CEP63: variants seen among roughly 807,000 people sequenced by gnomAD.
CEP63 encodes centrosomal protein 63.
CEP63 carries 84 observed loss-of-function variants against 89.1 expected under a neutral mutation model. The ratio of observed to expected loss-of-function variants is 0.94; its 90% CI spans 0.79 to 1.13. The LOEUF is 1.13. Ranked by LOEUF, CEP63 falls within the 50% of genes most tolerant of loss-of-function variation. The pLI is 0.00. For synonymous variants in CEP63, 267 were observed against 272.5 expected (o/e 0.98, Z 0.20); for missense variants, 838 against 813.3 (o/e 1.03, Z -0.37).
chr3:134,731,276 A>G, the CEP63 span, among the ~76,000 whole-genome samples: 2 of 152,136 alleles, frequency 1.3e-5, no homozygotes, highest in African/African-American at 4.8e-5. Flanking sequence ...GAACATATAC[A>G]TGAGACTCCT....
At chr3:134,649,887 C>G in the CEP63 span, among the ~76,000 whole-genome samples, 1 of 152,202 alleles carries the variant, frequency 6.6e-6, no homozygotes, top group African/African-American at 2.4e-5. Flanking sequence ...CCAAGGAGCT[C>G]CAGAGCTGGA....
chr3:134,651,166 A>G, the CEP63 span: 1 of 1,420,458 alleles, frequency 7.0e-7, no homozygotes, highest in South Asian at 1.4e-5. Context: ...GCGCTACCCT[A>G]ATGAAGCGGC....
Position 134,584,300 on chromosome 3 carries a change from A to G in CEP63, c.1207-3158A>G, listed in dbSNP as rs112570702. Among the ~76,000 whole-genome samples the G allele has an allele frequency of 7.0e-3, 1,073 of 152,306 alleles. 14 individuals are homozygous for G. Among genetic ancestry groups the G allele is most frequent in the African/African-American group, 0.025 (1,031 of 41,550 alleles). On this transcript the variant is annotated intron_variant, in intron 10 of 10. Transcript: ENST00000683931. ...CCAATTTTTGCCCATTCAGTATGGTATCGGCTGTGGGTTTCTCATAAATAG... is the reference window on the plus strand; with the variant it reads ...CCAATTTTTGCCCATTCAGTATGGTGTCGGCTGTGGGTTTCTCATAAATAG...
chr3:134,526,444 C>T (rs902529683), intron 3 of CEP63, among the ~76,000 whole-genome samples: 1 of 152,134 alleles, frequency 6.6e-6, no homozygotes, highest in African/African-American at 2.4e-5. Context: ...CTTTTCAGCT[C>T]TATCAGGTTG....
the CEP63 span, chr3:134,606,990 G>A: frequency 2.0e-6 from 2 of 984,818 alleles, no homozygotes; most frequent in South Asian, 4.7e-5. Context: ...GAAATACTCT[G>A]TACATAAGTA....
intron 6 of CEP63, among the ~76,000 whole-genome samples, chr3:134,539,545 A>G (rs1951560691): frequency 6.6e-6 from 1 of 152,204 alleles, no homozygotes; most frequent in African/African-American, 2.4e-5. Flanking sequence ...CCAGTTGTCC[A>G]GAAAACTATC....
At chr3:134,639,949 CAAAAAAAA>C in the CEP63 span, 266 of 49,728 alleles carry the variant, frequency 5.3e-3, 1 homozygote, top group African/African-American at 0.021. Context: ...CACCCTGTCT[CAAAAAAAA>C]AAAAAAAAAA....
At chr3:134,641,791 C>T in the CEP63 span, among the ~76,000 whole-genome samples, 1,648 of 152,266 alleles carry the variant, frequency 0.011, 38 homozygotes, top group African/African-American at 0.036. Context: ...CCTTATCTGG[C>T]TCAGGGTGTT....
chr3:134,594,619 G>T, the CEP63 span, among the ~76,000 whole-genome samples: 3 of 152,258 alleles, frequency 2.0e-5, no homozygotes, highest in East Asian at 5.8e-4. Context: ...TTTCCCACAG[G>T]GGCAAAGGAG....
chr3:134,653,007 G>A, the CEP63 span, among the ~76,000 whole-genome samples: 2,377 of 152,214 alleles, frequency 0.016, 57 homozygotes, highest in African/African-American at 0.054. Flanking sequence ...CTAGGAACTC[G>A]CAAACTCTGG....
chr3:134,687,256 A>G, the CEP63 span, among the ~76,000 whole-genome samples: 1 of 152,228 alleles, frequency 6.6e-6, no homozygotes, highest in South Asian at 2.1e-4. Flanking sequence ...GATACTCAGC[A>G]AGTGTGCCTT....
downstream of CEP63, among the ~76,000 whole-genome samples, chr3:134,575,398 T>C (rs1958189455): frequency 1.3e-5 from 1 of 77,144 alleles, no homozygotes; most frequent in Non-Finnish European, 2.4e-5. Context: ...CCTTTTTTCC[T>C]TTCTTTCCTT....
chr3:134,741,263 T>A, the CEP63 span, among the ~76,000 whole-genome samples: 1 of 152,180 alleles, frequency 6.6e-6, no homozygotes, highest in African/African-American at 2.4e-5. Context: ...CTGCACCTTG[T>A]TTTATCTCCT....
intron 6 of CEP63, among the ~76,000 whole-genome samples, chr3:134,544,141 C>G (rs1237381333): frequency 6.6e-6 from 1 of 152,104 alleles, no homozygotes; most frequent in Non-Finnish European, 1.5e-5. Flanking sequence ...ATAATAAAAT[C>G]TTTAAATCTG....
chr3:134,566,983 T>A (rs1957792095), downstream of CEP63, among the ~76,000 whole-genome samples: 1 of 152,228 alleles, frequency 6.6e-6, no homozygotes, highest in South Asian at 2.1e-4. Flanking sequence ...TTAGCAACAT[T>A]ATTCACAATA....
downstream of CEP63, among the ~76,000 whole-genome samples, chr3:134,588,328 T>G (rs1451458997): frequency 6.6e-6 from 1 of 152,080 alleles, no homozygotes; most frequent in Non-Finnish European, 1.5e-5. Context: ...AAACTAATAT[T>G]AAACATATGT....
the CEP63 span, among the ~76,000 whole-genome samples, chr3:134,749,420 G>T: frequency 6.6e-6 from 1 of 152,198 alleles, no homozygotes; most frequent in African/African-American, 2.4e-5. Context: ...GAAGGCTGTT[G>T]CTTGCTGCAA....
intron 10 of CEP63, 67 bp downstream of exon 10, chr3:134,549,243 AT>A (rs1343136334): frequency 2.1e-6 from 2 of 948,938 alleles, no homozygotes; most frequent in Non-Finnish European, 3.4e-6. Flanking sequence ...GGATTGGGAG[AT>A]TATAGGGGTT....
chr3:134,691,421 C>A, the CEP63 span, among the ~76,000 whole-genome samples: 1 of 151,040 alleles, frequency 6.6e-6, no homozygotes, highest in East Asian at 2.0e-4. Flanking sequence ...TCGAGACCAG[C>A]CTGGGTAACA....
Sources: allele counts gnomAD v4.1 joint callset (sites outside exome capture counted in the v4.1 genomes callset), GRCh38; gene constraint gnomAD v4.1.1; transcripts MANE v1.5; gene names NCBI Gene and HGNC (gene_info 2026-07-23, HGNC 2026-07-21).